Variants in TRPM3 observed in about 807,000 individuals in gnomAD.
The protein encoded by TRPM3 is transient receptor potential cation channel subfamily M member 3, also known as long transient receptor potential channel 3.
Under a neutral mutation model 181.2 loss-of-function variants are expected in TRPM3, and 77 were observed. The observed-to-expected ratio is 0.42, with a 90% CI of 0.35 to 0.51. The LOEUF is 0.51. TRPM3 is among the 20% of genes least tolerant of loss of function. The probability of loss-of-function intolerance (pLI) is 0.01; values close to 1 mark genes in which losing one functional copy is unlikely to be tolerated. For missense variants in TRPM3, 1,759 were observed against 2,196.7 expected, an observed-to-expected ratio of 0.80 and a Z score of 3.98; for synonymous variants, 745 against 796.4, an observed-to-expected ratio of 0.94 and a Z score of 1.09.
At chr9:71,248,470 C>T (rs1264888907) in intron 1 of TRPM3, among the ~76,000 whole-genome samples, 1 of 152,124 alleles carries the variant, frequency 6.6e-6, no homozygotes, top group African/African-American at 2.4e-5. Flanking sequence ...ATGATGGAAG[C>T]GAAGACAGAA....
intron 1 of TRPM3, among the ~76,000 whole-genome samples, chr9:70,977,454 C>T (rs2097315933): frequency 6.6e-6 from 1 of 152,194 alleles, no homozygotes; most frequent in Non-Finnish European, 1.5e-5. Flanking sequence ...TGTTCTTTAC[C>T]CACACCACTT....
chr9:71,059,627 T>A (rs149795532), intron 1 of TRPM3, among the ~76,000 whole-genome samples: 1 of 152,186 alleles, frequency 6.6e-6, no homozygotes, highest in South Asian at 2.1e-4. Context: ...AAGAAGTTTA[T>A]CCTTGATAAT....
At chr9:71,052,304 GAA>G (rs1458735071) in intron 1 of TRPM3, among the ~76,000 whole-genome samples, 1 of 152,152 alleles carries the variant, frequency 6.6e-6, no homozygotes, top group East Asian at 1.9e-4. Context: ...AGAGCTTGGT[GAA>G]AAGAGTCTGG....
intron 3 of TRPM3, among the ~76,000 whole-genome samples, chr9:70,849,425 G>A (rs1453022044): frequency 2.0e-5 from 3 of 152,128 alleles, no homozygotes; most frequent in East Asian, 1.9e-4. Context: ...GAGTACAGGC[G>A]TGAGCCACCA....
intron 1 of TRPM3, among the ~76,000 whole-genome samples, chr9:71,412,691 G>A (rs1429910705): frequency 6.6e-6 from 1 of 152,136 alleles, no homozygotes; most frequent in Non-Finnish European, 1.5e-5. Context: ...ACAGTGTGGT[G>A]ATTCCTCAAG....
chr9:71,427,261 G>A (rs990489429), intron 1 of TRPM3, among the ~76,000 whole-genome samples: 1 of 151,868 alleles, frequency 6.6e-6, no homozygotes, highest in South Asian at 2.1e-4. Flanking sequence ...TATAACTGAG[G>A]GGTTCTCAAA....
At chr9:71,298,286 G>A (rs2086467061) in intron 1 of TRPM3, among the ~76,000 whole-genome samples, 2 of 152,108 alleles carry the variant, frequency 1.3e-5, no homozygotes, top group African/African-American at 2.4e-5. Context: ...TCATCAGGAA[G>A]TATAATCCAT....
chr9:71,163,709 A>G (rs1178211880), intron 1 of TRPM3, among the ~76,000 whole-genome samples: 1 of 152,174 alleles, frequency 6.6e-6, no homozygotes, highest in African/African-American at 2.4e-5. Context: ...TAAGATAACC[A>G]GAAGATCAAA....
At chr9:70,676,601 G>A (rs773015394) in intron 9 of TRPM3, among the ~76,000 whole-genome samples, 7 of 152,128 alleles carry the variant, frequency 4.6e-5, no homozygotes, top group African/African-American at 9.7e-5. Flanking sequence ...CAGCTGAGAG[G>A]AGCAGGTGGA....
intron 1 of TRPM3, among the ~76,000 whole-genome samples, chr9:71,422,042 T>A (rs878970731): frequency 1.3e-5 from 2 of 152,108 alleles, no homozygotes; most frequent in South Asian, 4.1e-4. Flanking sequence ...TCTTTGAGAT[T>A]TCCTCTTTCC....
chr9:71,170,906 C>A (rs2134799267), intron 1 of TRPM3, among the ~76,000 whole-genome samples: 1 of 152,246 alleles, frequency 6.6e-6, no homozygotes, highest in Middle Eastern at 3.4e-3. Flanking sequence ...GTGAGCTGGG[C>A]AGAACAGAGC....
At chr9:71,118,988 C>A (rs559296161) in intron 1 of TRPM3, among the ~76,000 whole-genome samples, 3 of 152,168 alleles carry the variant, frequency 2.0e-5, no homozygotes, top group African/African-American at 7.2e-5. Flanking sequence ...ACTAGCAAAG[C>A]AAACACAGGA....
chr9:71,310,782 T>C (rs1282461197), intron 1 of TRPM3, among the ~76,000 whole-genome samples: 1 of 152,086 alleles, frequency 6.6e-6, no homozygotes, highest in Non-Finnish European at 1.5e-5. Flanking sequence ...CATAGGACAA[T>C]ACCCTGAGTA....
At chr9:71,231,586 A>G (rs2081054622) in intron 1 of TRPM3, among the ~76,000 whole-genome samples, 1 of 152,228 alleles carries the variant, frequency 6.6e-6, no homozygotes, top group Admixed American at 6.5e-5. Context: ...AGCAATATGA[A>G]ACTGTTAAAC....
At chr9:71,093,540 T>C (rs1013249809) in intron 1 of TRPM3, among the ~76,000 whole-genome samples, 5 of 152,104 alleles carry the variant, frequency 3.3e-5, no homozygotes, top group African/African-American at 1.2e-4. Flanking sequence ...CAATGACATA[T>C]CATCTCACAC....
chr9:70,531,300 T>A lies in TRPM3; in HGVS notation c.*4653A>T, dbSNP rs1252157823. 1.3e-5 allele frequency: 2 copies of A among 152,208 alleles called. No individual in the cohort carries two copies. The highest frequency in any genetic ancestry group is 4.8e-5 in the African/African-American group (2 of 41,454). 9.4% of individuals were successfully genotyped at this position (152,208 alleles called of 1,614,324 possible). On this transcript the variant is annotated 3_prime_UTR_variant, in exon 26 of 26. Transcript: ENST00000677713. Reference sequence around the variant, plus strand: ...ATTTGTTCAGTGCTTAAAAAAAAGATTTAAAAATCCCTTGGTTACTTTTTT... The same window carrying A: ...ATTTGTTCAGTGCTTAAAAAAAAGAATTAAAAATCCCTTGGTTACTTTTTT...
chr9:70,908,293 A>G (rs2096494572), intron 1 of TRPM3, among the ~76,000 whole-genome samples: 1 of 152,226 alleles, frequency 6.6e-6, no homozygotes, highest in African/African-American at 2.4e-5. Flanking sequence ...GCTACAGATA[A>G]TGAGAATCAA....
chr9:70,617,766 A>G (rs1564575338), intron 17 of TRPM3, among the ~76,000 whole-genome samples: 1 of 152,186 alleles, frequency 6.6e-6, no homozygotes, highest in Non-Finnish European at 1.5e-5. Context: ...GGAGTTCAAG[A>G]CCAGGCTGAC....
At position 70,535,478 on chromosome 9, in the gene TRPM3, A is replaced by C; in HGVS notation, c.*475T>G. 6.4e-7 allele frequency: 1 copy of C among 1,550,568 alleles called. No homozygotes were observed. Reference sequence around the variant, plus strand: ...TTCATCAGTCACCAGTGATGGAGCCAATGTGAAAAGAAAACAGAATGGAAG... The same window carrying C: ...TTCATCAGTCACCAGTGATGGAGCCCATGTGAAAAGAAAACAGAATGGAAG... On this transcript the variant is annotated 3_prime_UTR_variant, in exon 26 of 26. Coordinates refer to ENST00000677713, the MANE Select transcript of TRPM3 (RefSeq NM_001366145.2).
Sources: gnomAD v4.1 joint callset for allele counts (sites outside exome capture counted in the v4.1 genomes callset) on GRCh38, gnomAD v4.1.1 for gene constraint, MANE v1.5 for transcripts, NCBI Gene and HGNC (gene_info 2026-07-23, HGNC 2026-07-21) for gene names.